The following ZZEF1 variants were observed in gnomAD, a reference collection of about 807,000 sequenced individuals.
ZZEF1 encodes the protein zinc finger ZZ-type and EF-hand domain-containing protein 1.
In ZZEF1, 157 loss-of-function variants were observed where a neutral mutation model predicts 342.8. The ratio of observed to expected loss-of-function variants is 0.46; its 90% CI spans 0.40 to 0.52. The LOEUF (loss-of-function observed/expected upper bound fraction) is 0.52, where lower values mean the gene tolerates loss of function less well. ZZEF1 is among the 20% of genes least tolerant of loss of function. The probability of loss-of-function intolerance (pLI) is 0.00; values close to 1 mark genes in which losing one functional copy is unlikely to be tolerated. For synonymous variants in ZZEF1, 1,505 were observed against 1,429.1 expected (o/e 1.05, Z -1.20); for missense variants, 3,480 against 3,725.6 (o/e 0.93, Z 1.72).
intron 42 of ZZEF1, among the ~76,000 whole-genome samples, chr17:4,031,335 A>AATAC (rs1332680452): frequency 1.3e-4 from 19 of 151,498 alleles, no homozygotes; most frequent in Non-Finnish European, 2.8e-4. Context: ...TAAATAAATA[A>AATAC]ATAAATAAAT....
At chr17:4,024,198 T>TTG (rs1567770264) in intron 43 of ZZEF1, among the ~76,000 whole-genome samples, 8 of 141,430 alleles carry the variant, frequency 5.7e-5, no homozygotes, top group African/African-American at 2.1e-4. Context: ...TTTTTTTTTT[T>TTG]TTTTTTTTTT....
Position 4,034,152 on chromosome 17 carries a change from T to C in ZZEF1, c.6447A>G (p.Pro2149=), listed in dbSNP as rs759338129. 8 of 1,614,170 alleles carry C rather than the reference T, an allele frequency of 5.0e-6. No homozygotes were observed. The South Asian group carries it at 7.7e-5, about 16-fold the overall frequency. The change falls in exon 40 of 55, where the codon CCA becomes CCG. Residue 2149 remains proline, a synonymous_variant. Coordinates refer to ENST00000381638, the MANE Select transcript of ZZEF1 (RefSeq NM_015113.4). ...LLGQLIIRLL[P]AEVDAAVIKV... ...TGATCACTGCGGCGTCTACCTCTGC[T>C]GGCAAAAGACGGATAATTAACTGGC... is the stretch of plus-strand genomic sequence containing the variant.
Position 4,006,943 on chromosome 17 carries a change from G to C in ZZEF1, c.8833C>G (p.Leu2945Val). The change falls in exon 55 of 55, where the codon CTG becomes GTG. Residue 2945 changes from leucine to valine, a missense_variant. By Grantham distance (32) the Leu-to-Val change is conservative (BLOSUM62 1). Transcript: ENST00000381638. ...QALQNIAAIS[L>V]AINYPNKATR... is the part of the protein sequence containing the mutation. Reference sequence around the variant, plus strand: ...GCCTTGTTTGGGTAGTTGATGGCCAGGCTGATGGCAGCAATGTTCTGCAGA... The same window carrying C: ...GCCTTGTTTGGGTAGTTGATGGCCACGCTGATGGCAGCAATGTTCTGCAGA... 1 of 1,580,978 alleles carries C rather than the reference G, an allele frequency of 6.3e-7. No individual in the cohort carries two copies. The highest frequency in any genetic ancestry group is 1.7e-4 in the Middle Eastern group (1 of 6,020).
At chr17:4,130,424 G>A (rs994445946) in intron 1 of ZZEF1, among the ~76,000 whole-genome samples, 1 of 152,100 alleles carries the variant, frequency 6.6e-6, no homozygotes, top group African/African-American at 2.4e-5. Context: ...TTGCACTCCA[G>A]CTTGGGTGAC....
intron 42 of ZZEF1, among the ~76,000 whole-genome samples, chr17:4,026,684 A>G (rs1453931176): frequency 2.6e-5 from 4 of 151,570 alleles, no homozygotes; most frequent in South Asian, 2.1e-4. Flanking sequence ...ACACGCCCAG[A>G]TATTTTTGTA....
At chr17:4,082,074 G>A (rs561180006) in intron 17 of ZZEF1, among the ~76,000 whole-genome samples, 2 of 152,256 alleles carry the variant, frequency 1.3e-5, no homozygotes, top group South Asian at 4.2e-4. Context: ...TCCCCTCCCA[G>A]CACACTTCCT....
chr17:4,114,157 A>G, intron 4 of ZZEF1, 142 bp downstream of exon 4: 1 of 564,116 alleles, frequency 1.8e-6, no homozygotes, highest in Non-Finnish European at 2.8e-6. Context: ...GGAATATATA[A>G]GCCAGGTTAC....
At chr17:4,039,858 A>G (rs1435433067) in intron 39 of ZZEF1, among the ~76,000 whole-genome samples, 2 of 151,936 alleles carry the variant, frequency 1.3e-5, no homozygotes, top group African/African-American at 2.4e-5. Context: ...GTTAGCCAGG[A>G]TGGTCTCGAT....
chr17:4,007,660 C>T (rs1053942828), intron 54 of ZZEF1, among the ~76,000 whole-genome samples: 11 of 152,050 alleles, frequency 7.2e-5, no homozygotes, highest in Non-Finnish European at 1.2e-4. Context: ...CCTGGGGTGG[C>T]GGCGGCAATG....
At position 4,096,662 on chromosome 17, in the gene ZZEF1, T is replaced by C. The variant is rs567624571; in HGVS notation, c.1711A>G (p.Ile571Val). ...GCAGATTCAGTTCCGGTAGAAAAAATAGTGCTGGCTCTGGTTTTTCCAGTT... is the reference window on the plus strand; with the variant it reads ...GCAGATTCAGTTCCGGTAGAAAAAACAGTGCTGGCTCTGGTTTTTCCAGTT... ...TETGKTRASTIFSTGTESAFQ... is the reference protein window; with the variant it reads ...TETGKTRASTVFSTGTESAFQ... Residue 571 changes from isoleucine (I) to valine (V), a missense_variant, in exon 10 of 55, where the codon ATT becomes GTT. By Grantham distance (29) the Ile-to-Val change is conservative. Around this residue, in one of 5 missense-constraint regions of ZZEF1, gnomAD observed 1,528 missense variants for 1,624.1 expected, o/e 0.94. Coordinates refer to ENST00000381638, the MANE Select transcript of ZZEF1 (RefSeq NM_015113.4). The C allele has an allele frequency of 5.0e-6, 8 of 1,613,994 alleles. No homozygotes were observed. Among genetic ancestry groups the C allele is most frequent in the Middle Eastern group, 3.3e-4 (2 of 6,060 alleles).
At chr17:4,044,153 A>G (rs913786242) in intron 38 of ZZEF1, 71 bp downstream of exon 38, 2 of 1,537,724 alleles carry the variant, frequency 1.3e-6, no homozygotes, top group Non-Finnish European at 1.8e-6. Context: ...GTGTGCCACA[A>G]ACAGCTCAGG....
At chr17:4,077,505 A>G (rs1350627945) in intron 19 of ZZEF1, among the ~76,000 whole-genome samples, 2 of 152,264 alleles carry the variant, frequency 1.3e-5, no homozygotes. Context: ...AGCAATGGTC[A>G]CAATGCTCAT....
chr17:4,117,159 T>C lies in ZZEF1; in HGVS notation c.507A>G (p.Thr169=). The part of the protein sequence containing the change: ...LQACSLVPGF[T]DIFSESKEGL... ...CCTCCTTCGACTCTGAAAATATGTC[T>C]GTGAAACCTAAACAGATGAAATCCA... The change falls in exon 3 of 55, where the codon ACA becomes ACG. Residue 169 remains threonine, a synonymous_variant. Transcript: ENST00000381638. 6.2e-7 allele frequency: 1 copy of C among 1,611,458 alleles called. No individual in the cohort carries two copies. The highest frequency in any genetic ancestry group is 8.5e-7 in the Non-Finnish European group (1 of 1,178,168).
intron 9 of ZZEF1, among the ~76,000 whole-genome samples, chr17:4,101,487 C>T (rs568596396): frequency 7.2e-5 from 11 of 152,242 alleles, no homozygotes; most frequent in Admixed American, 3.3e-4. Context: ...CTCACAAACA[C>T]CTTATCACGA....
intron 2 of ZZEF1, among the ~76,000 whole-genome samples, chr17:4,122,086 G>C (rs1367435619): frequency 6.8e-6 from 1 of 147,284 alleles, no homozygotes; most frequent in East Asian, 1.9e-4. Context: ...TCAGCAGTGA[G>C]TAAGCTAGAG....
intron 2 of ZZEF1, among the ~76,000 whole-genome samples, chr17:4,118,925 CA>C (rs1190752519): frequency 6.6e-6 from 1 of 152,204 alleles, no homozygotes; most frequent in Non-Finnish European, 1.5e-5. Context: ...TGCACAATGT[CA>C]TCAGTGTCAT....
At chr17:4,127,637 G>A (rs2058593056) in intron 1 of ZZEF1, among the ~76,000 whole-genome samples, 1 of 152,120 alleles carries the variant, frequency 6.6e-6, no homozygotes, top group Admixed American at 6.5e-5. Context: ...ATCTGGGGGT[G>A]TATTCTCTCG....
chr17:4,019,143 G>A (rs74899799), intron 46 of ZZEF1, among the ~76,000 whole-genome samples: 8,840 of 151,952 alleles, frequency 0.058, 384 homozygotes, highest in South Asian at 0.13. Context: ...AGAGAAACAC[G>A]AAACACAAAA....
At chr17:4,102,600 G>A (rs2058145309) in intron 8 of ZZEF1, among the ~76,000 whole-genome samples, 185 bp from the exon 9 acceptor site, 1 of 152,170 alleles carries the variant, frequency 6.6e-6, no homozygotes. Context: ...GTACTTTCCT[G>A]AAAGAGACAA....
Sources: gnomAD v4.1 joint callset for allele counts (sites outside exome capture counted in the v4.1 genomes callset) on GRCh38, gnomAD v4.1.1 for gene constraint, gnomAD v4.1.1 regional missense constraint, MANE v1.5 for transcripts, NCBI Gene and HGNC (gene_info 2026-07-23, HGNC 2026-07-21) for gene names.